The following TLL1 variants were observed in gnomAD, a reference collection of about 807,000 sequenced individuals.
TLL1 encodes the protein tolloid like 1, also known as tolloid-like protein 1.
Under a neutral mutation model 128.2 loss-of-function variants are expected in TLL1, and 49 were observed. That is an observed-to-expected ratio of 0.38 (90% CI 0.30 to 0.48). The LOEUF (loss-of-function observed/expected upper bound fraction) is 0.48, where lower values mean the gene tolerates loss of function less well. Among genes scored for constraint, TLL1 ranks in the 20% least tolerant of loss-of-function variants. TLL1 has a pLI of 0.96. For missense variants in TLL1, 1,123 were observed against 1,242.0 expected, an observed-to-expected ratio of 0.90 and a Z score of 1.44; for synonymous variants, 454 against 418.8, an observed-to-expected ratio of 1.08 and a Z score of -1.03.
At chr4:165,969,626 A>G (rs1735543492) in intron 1 of TLL1, among the ~76,000 whole-genome samples, 1 of 152,080 alleles carries the variant, frequency 6.6e-6, no homozygotes, top group Non-Finnish European at 1.5e-5. Context: ...AATGTCATAA[A>G]TTGGTTGTGG....
In TLL1 at chr4:165,929,114, C is replaced by T. The variant is rs545689558; in HGVS notation, c.169+55041C>T. Reference sequence around the variant, plus strand: ...CCTGGCACAATCTGATGACAGGCAGCACTAATTTTTGGCTTCGGGCAATCA... The same window carrying T: ...CCTGGCACAATCTGATGACAGGCAGTACTAATTTTTGGCTTCGGGCAATCA... On this transcript the variant is annotated intron_variant, in intron 1 of 20. Coordinates refer to ENST00000061240, the MANE Select transcript of TLL1 (RefSeq NM_012464.5). Among the ~76,000 whole-genome samples, 24 of 152,210 alleles carry T rather than the reference C, an allele frequency of 1.6e-4. No individual in the cohort carries two copies. In the East Asian group the frequency reaches 1.7e-3, roughly 11 times the overall value.
At chr4:165,925,576 G>A (rs1464541452) in intron 1 of TLL1, among the ~76,000 whole-genome samples, 1 of 152,228 alleles carries the variant, frequency 6.6e-6, no homozygotes, top group African/African-American at 2.4e-5. Context: ...CCCAGGTGAA[G>A]ATGCTTTGAG....
intron 1 of TLL1, among the ~76,000 whole-genome samples, chr4:165,970,639 A>G (rs1375907924): frequency 2.0e-5 from 3 of 152,064 alleles, no homozygotes. Flanking sequence ...ACCTATTCAA[A>G]TTTCCCGCAT....
At chr4:166,001,742 G>A (rs1737169639) in intron 5 of TLL1, among the ~76,000 whole-genome samples, 1 of 151,378 alleles carries the variant, frequency 6.6e-6, no homozygotes, top group African/African-American at 2.4e-5. Context: ...GTTTGCAGTG[G>A]GCCGATTGTG....
chr4:166,014,375 T>A, intron 7 of TLL1, 61 bp from the exon 8 acceptor site: 1 of 1,608,370 alleles, frequency 6.2e-7, no homozygotes, highest in Non-Finnish European at 8.5e-7. Context: ...CTTATAAATG[T>A]AAGGAATTCA....
chr4:165,899,030 T>A (rs1011061729), intron 1 of TLL1, among the ~76,000 whole-genome samples: 1 of 152,254 alleles, frequency 6.6e-6, no homozygotes, highest in Non-Finnish European at 1.5e-5. Context: ...GTGTCTATAG[T>A]ATTCTCTGAT....
At chr4:165,894,386 A>G (rs1189341413) in intron 1 of TLL1, among the ~76,000 whole-genome samples, 3 of 152,182 alleles carry the variant, frequency 2.0e-5, no homozygotes. Flanking sequence ...CAGATTTCTT[A>G]TTGTAAGCAA....
At chr4:165,968,633 T>A (rs1176549120) in intron 1 of TLL1, among the ~76,000 whole-genome samples, 1 of 152,170 alleles carries the variant, frequency 6.6e-6, no homozygotes, top group Non-Finnish European at 1.5e-5. Context: ...GAGAACAATC[T>A]AAGTCAATTT....
At chr4:166,099,117 T>A (rs866872573) in intron 19 of TLL1, among the ~76,000 whole-genome samples, 160 bp from the exon 20 acceptor site, 1 of 152,066 alleles carries the variant, frequency 6.6e-6, no homozygotes, top group Non-Finnish European at 1.5e-5. Flanking sequence ...TGGACACCCA[T>A]GACACTATCT....
chr4:165,955,852 A>G (rs576962530), intron 1 of TLL1, among the ~76,000 whole-genome samples: 2 of 152,238 alleles, frequency 1.3e-5, no homozygotes, highest in South Asian at 4.1e-4. Context: ...CAATATTTCA[A>G]TGTAGGTTCT....
chr4:166,085,342 C>G (rs967433431), intron 18 of TLL1, among the ~76,000 whole-genome samples: 5 of 150,726 alleles, frequency 3.3e-5, no homozygotes, highest in African/African-American at 1.2e-4. Flanking sequence ...GAGTGGGCAT[C>G]CTTGTCTTAT....
intron 11 of TLL1, 131 bp downstream of exon 11, chr4:166,042,274 ATTC>A: frequency 1.5e-6 from 1 of 650,452 alleles, no homozygotes; most frequent in Non-Finnish European, 2.8e-6. Flanking sequence ...GTATTATAAT[ATTC>A]ATACAGATAA....
intron 1 of TLL1, among the ~76,000 whole-genome samples, chr4:165,978,843 C>T (rs1290735211): frequency 1.3e-5 from 2 of 152,222 alleles, no homozygotes; most frequent in Non-Finnish European, 2.9e-5. Flanking sequence ...CCCTGCCCAT[C>T]AGAAACCTAG....
At chr4:165,916,274 T>A (rs1161843080) in intron 1 of TLL1, among the ~76,000 whole-genome samples, 1 of 152,264 alleles carries the variant, frequency 6.6e-6, no homozygotes, top group Non-Finnish European at 1.5e-5. Context: ...GTTTTGTATC[T>A]TGATCTCTGT....
chr4:166,007,671 G>T (rs1292206820), intron 6 of TLL1, among the ~76,000 whole-genome samples: 2 of 151,506 alleles, frequency 1.3e-5, no homozygotes, highest in Admixed American at 1.3e-4. Context: ...ATTATGAGGT[G>T]GTAAAAGAGC....
intron 9 of TLL1, among the ~76,000 whole-genome samples, chr4:166,037,769 C>T (rs1238136345): frequency 6.6e-6 from 1 of 151,960 alleles, no homozygotes; most frequent in Non-Finnish European, 1.5e-5. Context: ...TACTGCTCCA[C>T]TGCACTCCAG....
In TLL1 at chr4:166,075,021, CTT is replaced by C; in HGVS notation, c.2314+24_2314+25del. 5.6e-6 allele frequency: 9 copies of C among 1,612,124 alleles called. No individual in the cohort carries two copies. The highest frequency in any genetic ancestry group is 2.2e-5 in the East Asian group (1 of 44,752). On this transcript the variant is annotated intron_variant, in intron 17 of 20. Transcript: ENST00000061240. ...CAAGGAAGGTATGGAACGGAATACA[CTT>C]TTTTTGACAACATGTAGAATTTCAT...
intron 1 of TLL1, among the ~76,000 whole-genome samples, chr4:165,899,597 T>A (rs1731856220): frequency 6.6e-6 from 1 of 152,216 alleles, no homozygotes; most frequent in African/African-American, 2.4e-5. Context: ...CCATTTGTTA[T>A]GATTTCCGTT....
intron 1 of TLL1, among the ~76,000 whole-genome samples, chr4:165,920,883 A>G (rs941376518): frequency 3.9e-5 from 6 of 152,224 alleles, no homozygotes; most frequent in Non-Finnish European, 8.8e-5. Flanking sequence ...AAATTAGCTT[A>G]TTTTTTTCCT....
Sources: allele counts gnomAD v4.1 joint callset (sites outside exome capture counted in the v4.1 genomes callset), GRCh38; gene constraint gnomAD v4.1.1; transcripts MANE v1.5; gene names NCBI Gene and HGNC (gene_info 2026-07-23, HGNC 2026-07-21).